The following ABCG2 variants were observed in gnomAD, a reference collection of about 807,000 sequenced individuals.
ABCG2 encodes the protein broad substrate specificity ATP-binding cassette transporter ABCG2.
In ABCG2, 80 loss-of-function variants were observed where a neutral mutation model predicts 73.5. The ratio of observed to expected loss-of-function variants is 1.09; its 90% CI spans 0.91 to 1.31. The LOEUF is 1.31. Ranked by LOEUF, ABCG2 falls within the 50% of genes most tolerant of loss-of-function variation. ABCG2 has a pLI of 0.00. For missense variants in ABCG2, 796 were observed against 786.2 expected, an observed-to-expected ratio of 1.01 and a Z score of -0.15; for synonymous variants, 269 against 282.4, an observed-to-expected ratio of 0.95 and a Z score of 0.48.
intron 6 of ABCG2, among the ~76,000 whole-genome samples, chr4:88,121,026 C>A (rs1017821677): frequency 6.6e-6 from 1 of 152,160 alleles, no homozygotes; most frequent in African/African-American, 2.4e-5. Context: ...TGTGAAGAGT[C>A]ACTTCAATTT....
At chr4:88,112,747 T>C (rs1413031434) in intron 9 of ABCG2, among the ~76,000 whole-genome samples, 1 of 152,086 alleles carries the variant, frequency 6.6e-6, no homozygotes, top group Non-Finnish European at 1.5e-5. Context: ...ATTTTTCTAC[T>C]CAGATTATTC....
Position 88,090,786 on chromosome 4 carries a change from GTGAAATC to G in ABCG2, c.*1441_*1447del, listed in dbSNP as rs1211551295. On this transcript the variant is annotated 3_prime_UTR_variant, in exon 16 of 16. Transcript: ENST00000237612. Reference sequence around the variant, plus strand: ...ATGAAAGAATATTAGTGGAAAAGTGGTGAAATCTGAATATTGTGTGCAGTTTAATTAA... The same window carrying G: ...ATGAAAGAATATTAGTGGAAAAGTGGTGAATATTGTGTGCAGTTTAATTAA... The G allele has an allele frequency of 2.6e-5, 4 of 152,226 alleles. No individual in the cohort carries two copies. Among genetic ancestry groups the G allele is most frequent in the Non-Finnish European group, 5.9e-5 (4 of 68,044 alleles). 9.4% of individuals were successfully genotyped at this position (152,226 alleles called of 1,614,324 possible).
chr4:88,130,237 T>C (rs557261525), intron 5 of ABCG2, among the ~76,000 whole-genome samples: 1 of 152,248 alleles, frequency 6.6e-6, no homozygotes, highest in Non-Finnish European at 1.5e-5. Flanking sequence ...CATTACCACC[T>C]GAGCTCCACC....
intron 1 of ABCG2, among the ~76,000 whole-genome samples, chr4:88,213,178 A>G (rs1212871363): frequency 6.6e-6 from 1 of 152,180 alleles, no homozygotes; most frequent in African/African-American, 2.4e-5. Context: ...TGTTGGGATT[A>G]CTGGCTTGAG....
At chr4:88,134,695 C>A (rs995669306) in intron 2 of ABCG2, among the ~76,000 whole-genome samples, 1 of 152,200 alleles carries the variant, frequency 6.6e-6, no homozygotes, top group African/African-American at 2.4e-5. Context: ...CAAACCTCAA[C>A]ATGAATGTTC....
chr4:88,101,323 C>T lies in ABCG2; in HGVS notation c.1278-4G>A. 6.2e-7 allele frequency: 1 copy of T among 1,613,906 alleles called. No individual in the cohort carries two copies. Among genetic ancestry groups the T allele is most frequent in the Non-Finnish European group, 8.5e-7 (1 of 1,179,816 alleles). On this transcript the variant is annotated splice_polypyrimidine_tract_variant and splice_region_variant and intron_variant, in intron 10 of 15. Transcript: ENST00000237612. ...CAGGAAGAAGAGAACCCCAGCTCTGCCATGAAAAGGGGAACCAAATCACCG... is the reference window on the plus strand; with the variant it reads ...CAGGAAGAAGAGAACCCCAGCTCTGTCATGAAAAGGGGAACCAAATCACCG...
chr4:88,231,593 G>T (rs770826175), upstream of ABCG2, among the ~76,000 whole-genome samples: 2 of 152,056 alleles, frequency 1.3e-5, no homozygotes, highest in Non-Finnish European at 2.9e-5. Context: ...TGCTCTGTGC[G>T]TAAACTTCCT....
chr4:88,154,673 T>C (rs941094095), intron 1 of ABCG2, among the ~76,000 whole-genome samples: 4 of 151,752 alleles, frequency 2.6e-5, no homozygotes, highest in Non-Finnish European at 5.9e-5. Flanking sequence ...GTCATGGGGG[T>C]CAGGTGTGGT....
chr4:88,209,593 G>A (rs928542190), intron 1 of ABCG2, among the ~76,000 whole-genome samples: 1 of 150,804 alleles, frequency 6.6e-6, no homozygotes, highest in Non-Finnish European at 1.5e-5. Flanking sequence ...GGAGCCGGAG[G>A]TTGCAGTGAG....
chr4:88,173,816 T>C (rs920179280), intron 1 of ABCG2, among the ~76,000 whole-genome samples: 9 of 152,154 alleles, frequency 5.9e-5, no homozygotes, highest in African/African-American at 2.2e-4. Context: ...CCGGGAAATG[T>C]AGCGAGACCC....
upstream of ABCG2, chr4:88,158,856 T>C (rs1727145764): frequency 3.0e-6 from 1 of 334,340 alleles, no homozygotes; most frequent in Non-Finnish European, 5.7e-6. Context: ...CAGGCAGCGC[T>C]GACACGAACT....
intron 1 of ABCG2, among the ~76,000 whole-genome samples, chr4:88,199,261 G>A (rs943920523): frequency 2.6e-5 from 4 of 152,046 alleles, no homozygotes; most frequent in Non-Finnish European, 5.9e-5. Context: ...GAGCCACTGC[G>A]CCTGGCCAAA....
In ABCG2 at chr4:88,121,810, T is replaced by C; in HGVS notation, c.532-18A>G. 3.7e-6 allele frequency: 6 copies of C among 1,609,764 alleles called. No homozygotes were observed. Among genetic ancestry groups the C allele is most frequent in the Non-Finnish European group, 5.1e-6 (6 of 1,177,908 alleles). On this transcript the variant is annotated intron_variant, in intron 5 of 15. Transcript: ENST00000237612. ...GTTCCAACCTAAATCACAAATATTATAATTGTCAATGATAACAACCAGTCA... is the reference window on the plus strand; with the variant it reads ...GTTCCAACCTAAATCACAAATATTACAATTGTCAATGATAACAACCAGTCA...
In ABCG2 at chr4:88,118,147, C is replaced by A; in HGVS notation, c.803G>T (p.Gly268Val). The change falls in exon 7 of 16, where the codon GGG becomes GTG. Residue 268 changes from glycine (G) to valine (V), a missense_variant. Gly to Val is a moderately radical substitution (Grantham distance 109, BLOSUM62 -3). Coordinates refer to ENST00000237612, the MANE Select transcript of ABCG2 (RefSeq NM_004827.3). Reference sequence around the variant, plus strand: ...GTATCCCAAGGCCTCCTGAGCAGGCCCGTGGAACATAAGTCTTCCTGAGGC... The same window carrying A: ...GTATCCCAAGGCCTCCTGAGCAGGCACGTGGAACATAAGTCTTCCTGAGGC... ...LLASGRLMFHGPAQEALGYFE... is the reference protein window; with the variant it reads ...LLASGRLMFHVPAQEALGYFE... 1.2e-6 allele frequency: 2 copies of A among 1,614,042 alleles called. No individual in the cohort carries two copies. The highest frequency in any genetic ancestry group is 1.7e-6 in the Non-Finnish European group (2 of 1,179,966).
chr4:88,093,205 A>G (rs750384642), intron 15 of ABCG2, among the ~76,000 whole-genome samples: 4 of 152,184 alleles, frequency 2.6e-5, no homozygotes, highest in Non-Finnish European at 4.4e-5. Context: ...CTCTTTTACT[A>G]TAAGAATAGC....
At chr4:88,210,169 T>C (rs565419614) in intron 1 of ABCG2, among the ~76,000 whole-genome samples, 1 of 142,326 alleles carries the variant, frequency 7.0e-6, no homozygotes, top group South Asian at 2.3e-4. Context: ...AAGATGTCAG[T>C]AATGTAAGTA....
intron 9 of ABCG2, among the ~76,000 whole-genome samples, chr4:88,110,266 G>C (rs1723044280): frequency 6.6e-6 from 1 of 152,054 alleles, no homozygotes; most frequent in Non-Finnish European, 1.5e-5. Flanking sequence ...TCTTGGCCAG[G>C]CACAGTGGCT....
At chr4:88,093,451 C>T (rs367929658) in intron 15 of ABCG2, among the ~76,000 whole-genome samples, 7 of 142,406 alleles carry the variant, frequency 4.9e-5, no homozygotes, top group African/African-American at 1.3e-4. Flanking sequence ...TTGCAGTGAG[C>T]GGACATCGTG....
In ABCG2 at chr4:88,188,675, C is replaced by T. The variant is rs184998355; in HGVS notation, c.-20+42319G>A. 2.8e-4 allele frequency among the ~76,000 whole-genome samples: 43 copies of T among 152,204 alleles called. No individual in the cohort carries two copies. In the East Asian group the frequency reaches 6.2e-3, roughly 22 times the overall value. On this transcript the variant is annotated intron_variant, in intron 1 of 15. Coordinates refer to the ABCG2 transcript ENST00000515655. ...TGGCCTTAGGAGCTAGATAGGATTGCGTTGAATCTGTAGACTGTGTTGGGT... is the reference window on the plus strand; with the variant it reads ...TGGCCTTAGGAGCTAGATAGGATTGTGTTGAATCTGTAGACTGTGTTGGGT...
Sources: allele counts gnomAD v4.1 joint callset (sites outside exome capture counted in the v4.1 genomes callset), GRCh38; gene constraint gnomAD v4.1.1; transcripts MANE v1.5; gene names NCBI Gene and HGNC (gene_info 2026-07-23, HGNC 2026-07-21).